Variants in VPS13A observed in about 807,000 individuals in gnomAD.
VPS13A encodes intermembrane lipid transfer protein VPS13A.
In VPS13A, 264 loss-of-function variants were observed where a neutral mutation model predicts 390.9. That is an observed-to-expected ratio of 0.68 (90% CI 0.61 to 0.75). The LOEUF is 0.75. Ranked by LOEUF, VPS13A falls within the 30% of genes least tolerant of loss-of-function variation. The pLI, the probability that VPS13A is intolerant of heterozygous loss-of-function variation, is 0.00. For synonymous variants in VPS13A, 1,231 were observed against 1,227.1 expected (o/e 1.00, Z -0.07); for missense variants, 3,409 against 3,733.9 (o/e 0.91, Z 2.27).
chr9:77,238,286 T>C lies in VPS13A; in HGVS notation c.1800T>C (p.Ser600=), dbSNP rs1284922168. 3 of 1,613,842 alleles carry C rather than the reference T, an allele frequency of 1.9e-6. No homozygotes were observed. The highest frequency in any genetic ancestry group is 2.5e-6 in the Non-Finnish European group (3 of 1,179,814). The change falls in exon 19 of 72, where the codon AGT becomes AGC. Residue 600 remains serine (S), a synonymous_variant. Transcript: ENST00000360280. ...EIIYDARTVN[S]IVEFFRPPKE... is the part of the protein sequence containing the mutation. ...TATTTTAACAGAGGACAGTGAATAG[T>C]ATAGTGGAATTCTTCAGACCTCCAA...
chr9:77,364,060 C>T (rs1832300529), intron 59 of VPS13A, among the ~76,000 whole-genome samples: 1 of 152,014 alleles, frequency 6.6e-6, no homozygotes, highest in Non-Finnish European at 1.5e-5. Context: ...CAAGAGTGAT[C>T]AGAACTCTAG....
intron 19 of VPS13A, among the ~76,000 whole-genome samples, chr9:77,244,055 T>G (rs768446364): frequency 1.3e-5 from 2 of 152,084 alleles, no homozygotes; most frequent in African/African-American, 2.4e-5. Context: ...CTGGACAACA[T>G]AGTGAGACCT....
At chr9:77,351,524 C>T in intron 53 of VPS13A, 78 bp downstream of exon 53, 1 of 1,557,276 alleles carries the variant, frequency 6.4e-7, no homozygotes. Context: ...TGGCTCACGC[C>T]TGTAATCCCA....
At chr9:77,228,356 C>A in intron 17 of VPS13A, 92 bp downstream of exon 17, 1 of 1,257,468 alleles carries the variant, frequency 8.0e-7, no homozygotes, top group Non-Finnish European at 1.1e-6. Context: ...TTGTAAAGAG[C>A]ACTATAGTTT....
At chr9:77,185,728 T>A (rs1219477949) in intron 1 of VPS13A, among the ~76,000 whole-genome samples, 1 of 150,046 alleles carries the variant, frequency 6.7e-6, no homozygotes, top group Non-Finnish European at 1.5e-5. Flanking sequence ...GATTTAATTT[T>A]TTTCTCCTGT....
At chr9:77,197,822 A>G (rs1825092073) in intron 1 of VPS13A, among the ~76,000 whole-genome samples, 1 of 152,228 alleles carries the variant, frequency 6.6e-6, no homozygotes, top group African/African-American at 2.4e-5. Flanking sequence ...ATCAGAAAGG[A>G]AAGGCGTCAC....
At chr9:77,184,218 T>G (rs780448562) in intron 1 of VPS13A, among the ~76,000 whole-genome samples, 21 of 152,370 alleles carry the variant, frequency 1.4e-4, no homozygotes, top group Admixed American at 2.6e-4. Flanking sequence ...TGACCTTTCC[T>G]AATTTATTCC....
chr9:77,387,030 G>A (rs1833717644), intron 68 of VPS13A, among the ~76,000 whole-genome samples: 1 of 151,698 alleles, frequency 6.6e-6, no homozygotes, highest in African/African-American at 2.4e-5. Flanking sequence ...CAGTGTAATT[G>A]CCCTTGTTTT....
chr9:77,403,699 C>T (rs1004372294), intron 69 of VPS13A, among the ~76,000 whole-genome samples: 2 of 152,072 alleles, frequency 1.3e-5, no homozygotes, highest in African/African-American at 2.4e-5. Flanking sequence ...TATAGATTGA[C>T]GTAAGTGGAT....
At chr9:77,218,615 A>C (rs1488749699) in intron 10 of VPS13A, among the ~76,000 whole-genome samples, 1 of 151,300 alleles carries the variant, frequency 6.6e-6, no homozygotes, top group Non-Finnish European at 1.5e-5. Flanking sequence ...CTAGGGTTCA[A>C]TAAGGTTCTC....
chr9:77,253,263 A>C (rs897214532), intron 22 of VPS13A, among the ~76,000 whole-genome samples: 3 of 152,160 alleles, frequency 2.0e-5, no homozygotes, highest in Non-Finnish European at 4.4e-5. Flanking sequence ...TATTTGGAGA[A>C]ATACATATTC....
chr9:77,311,536 A>G (rs559341119), intron 35 of VPS13A, among the ~76,000 whole-genome samples: 4 of 152,286 alleles, frequency 2.6e-5, no homozygotes, highest in African/African-American at 4.8e-5. Context: ...AGATGCAACA[A>G]TCCTAAATGT....
chr9:77,378,615 G>T (rs1833244826), intron 67 of VPS13A, among the ~76,000 whole-genome samples: 1 of 151,626 alleles, frequency 6.6e-6, no homozygotes, highest in Non-Finnish European at 1.5e-5. Flanking sequence ...TTTAGTGATG[G>T]CGTGTCATTT....
At chr9:77,251,076 A>C (rs1169189832) in intron 21 of VPS13A, among the ~76,000 whole-genome samples, 2 of 152,248 alleles carry the variant, frequency 1.3e-5, no homozygotes, top group East Asian at 3.8e-4. Flanking sequence ...CAAAATTGTT[A>C]ATTTGTATAG....
At chr9:77,180,737 T>C (rs1823962565) in intron 1 of VPS13A, among the ~76,000 whole-genome samples, 1 of 152,218 alleles carries the variant, frequency 6.6e-6, no homozygotes, top group African/African-American at 2.4e-5. Flanking sequence ...AAAAAATCAG[T>C]AGACTTAATA....
Position 77,403,316 on chromosome 9 carries a change from C to G in VPS13A, c.9270C>G (p.Thr3090=), listed in dbSNP as rs1237225032. The G allele has an allele frequency of 6.2e-7, 1 of 1,610,018 alleles. No homozygotes were observed. The highest frequency in any genetic ancestry group is 2.2e-5 in the East Asian group (1 of 44,794). ...ATAAGACAGATATGCTAATGATAAC[C>G]AGACGGTAACTTGCTTTCTTTCTCT... ...MINKTDMLMI[T]RRGVLFVTKG... Residue 3090 remains threonine (T), a synonymous_variant, in exon 69 of 72, where the codon ACC becomes ACG. Transcript: ENST00000360280.
intron 1 of VPS13A, among the ~76,000 whole-genome samples, chr9:77,186,790 C>T (rs897825776): frequency 2.6e-5 from 4 of 152,122 alleles, no homozygotes; most frequent in Non-Finnish European, 5.9e-5. Flanking sequence ...TTACATTGTG[C>T]AACCATCACC....
At chr9:77,197,079 A>T (rs1330714875) in intron 1 of VPS13A, among the ~76,000 whole-genome samples, 1 of 152,056 alleles carries the variant, frequency 6.6e-6, no homozygotes, top group Non-Finnish European at 1.5e-5. Context: ...ATTTTTATTT[A>T]TCTGATGATG....
intron 59 of VPS13A, among the ~76,000 whole-genome samples, chr9:77,364,968 C>T (rs368992255): frequency 9.2e-5 from 14 of 152,070 alleles, no homozygotes; most frequent in Non-Finnish European, 1.6e-4. Context: ...AAGTTACTTC[C>T]GTCTGAGCAT....
Sources: allele counts gnomAD v4.1 joint callset (sites outside exome capture counted in the v4.1 genomes callset), GRCh38; gene constraint gnomAD v4.1.1; transcripts MANE v1.5; gene names NCBI Gene and HGNC (gene_info 2026-07-23, HGNC 2026-07-21).